The following TAFA5 variants were observed in gnomAD, a reference collection of about 807,000 sequenced individuals.
TAFA5 encodes chemokine-like protein TAFA-5.
Under a neutral mutation model 15.3 loss-of-function variants are expected in TAFA5, and 6 were observed. The ratio of observed to expected loss-of-function variants is 0.39; its 90% CI spans 0.21 to 0.77. The LOEUF (loss-of-function observed/expected upper bound fraction) is 0.77. Ranked by LOEUF, TAFA5 falls within the 30% of genes least tolerant of loss-of-function variation. The pLI is 0.41. For synonymous variants in TAFA5, 103 were observed against 80.7 expected, an observed-to-expected ratio of 1.28 and a Z score of -1.48; for missense variants, 161 against 193.1, an observed-to-expected ratio of 0.83 and a Z score of 0.98.
At chr22:48,716,475 A>G (rs1334325629) in intron 3 of TAFA5, among the ~76,000 whole-genome samples, 4 of 152,200 alleles carry the variant, frequency 2.6e-5, no homozygotes, top group Non-Finnish European at 2.9e-5. Context: ...CAATGAGAAC[A>G]CATGGACACC....
rs1296327989 is a variant in TAFA5, at chr22:48,742,973, G to T, written c.391-6866G>T. ...CCCGCCCTCAGCCCAGCCCTGGGAC[G>T]CAGGCTCAGCAGCCCCCGGATTCCA... On this transcript the variant is annotated intron_variant, in intron 3 of 3. Coordinates refer to ENST00000402357, the MANE Select transcript of TAFA5 (RefSeq NM_001082967.3). The surrounding 1 kb of genome is among the most constrained non-coding windows in gnomAD (Gnocchi z 6.2). Among the ~76,000 whole-genome samples the T allele has an allele frequency of 6.6e-6, 1 of 152,158 alleles. No homozygotes were observed. The highest frequency in any genetic ancestry group is 1.5e-5 in the Non-Finnish European group (1 of 68,008).
chr22:48,497,292 CG>C (rs1264654552), intron 1 of TAFA5, among the ~76,000 whole-genome samples: 1 of 152,184 alleles, frequency 6.6e-6, no homozygotes, highest in Non-Finnish European at 1.5e-5. Context: ...TGCGGTCCCA[CG>C]GGGCCCGGCA....
In TAFA5 at chr22:48,666,006, G is replaced by A. The variant is rs146165170; in HGVS notation, c.262+19260G>A. Among the ~76,000 whole-genome samples the A allele has an allele frequency of 2.6e-3, 370 of 144,274 alleles. 8 individuals are homozygous for A. The East Asian group carries it at 0.066, about 26-fold the overall frequency. The allele number at this position is 144,274 out of a possible 152,430, so 94.6% of individuals were successfully genotyped here. A position where few individuals can be genotyped will look rare whatever the true frequency, so the allele number is the denominator to read the frequency against. ...GGCCTCCTACCCCTCCCATGGGAAC[G>A]AGGGGCCTGGCCTGGCTCCAGGAGG... On this transcript the variant is annotated intron_variant, in intron 2 of 3. Transcript: ENST00000402357.
chr22:48,614,731 C>G (rs769386816), intron 1 of TAFA5, among the ~76,000 whole-genome samples: 5 of 152,240 alleles, frequency 3.3e-5, no homozygotes, highest in Non-Finnish European at 5.9e-5. Flanking sequence ...CAAGCAAGTA[C>G]TGCCAGGGTG....
At chr22:48,576,243 G>GC in intron 1 of TAFA5, 4 of 370,918 alleles carry the variant, frequency 1.1e-5, no homozygotes, top group African/African-American at 2.2e-5. Flanking sequence ...TAACCTCCCC[G>GC]CCCCCGCCCG....
At position 48,580,362 on chromosome 22, in the gene TAFA5, G is replaced by A. The variant is rs141758041; in HGVS notation, c.113-66235G>A. ...GATTAGCAGCCAATGCAGAGTGTTCGTCTATCTGTTAGATGGATCAGTTTA... is the reference window on the plus strand; with the variant it reads ...GATTAGCAGCCAATGCAGAGTGTTCATCTATCTGTTAGATGGATCAGTTTA... On this transcript the variant is annotated intron_variant, in intron 1 of 3. Coordinates refer to ENST00000402357, the MANE Select transcript of TAFA5 (RefSeq NM_001082967.3). 2.9e-3 allele frequency among the ~76,000 whole-genome samples: 448 copies of A among 152,348 alleles called. 2 individuals carry two copies. The highest frequency in any genetic ancestry group is 9.8e-3 in the African/African-American group (408 of 41,564).
intron 1 of TAFA5, among the ~76,000 whole-genome samples, chr22:48,613,515 G>C (rs1293359488): frequency 6.6e-6 from 1 of 152,176 alleles, no homozygotes; most frequent in Non-Finnish European, 1.5e-5. Flanking sequence ...CATCTCCTGA[G>C]CTTGGGGTTG....
intron 1 of TAFA5, among the ~76,000 whole-genome samples, chr22:48,504,884 T>C (rs1022097113): frequency 6.6e-6 from 1 of 152,130 alleles, no homozygotes; most frequent in African/African-American, 2.4e-5. Context: ...GGGTCCAGCC[T>C]TGGGGGGCTC....
chr22:48,604,091 C>G (rs1169464299), intron 1 of TAFA5, among the ~76,000 whole-genome samples: 1 of 152,208 alleles, frequency 6.6e-6, no homozygotes, highest in Non-Finnish European at 1.5e-5. Flanking sequence ...GGCGCGCAAG[C>G]TACCGATGGA....
At chr22:48,579,008 G>A (rs773949971) in intron 1 of TAFA5, among the ~76,000 whole-genome samples, 1 of 152,236 alleles carries the variant, frequency 6.6e-6, no homozygotes. Context: ...GGAAAGAGCT[G>A]TTTAAATAGC....
intron 1 of TAFA5, among the ~76,000 whole-genome samples, chr22:48,584,900 T>TCACACACACCACACA (rs1555889929): frequency 4.9e-4 from 58 of 118,984 alleles, no homozygotes; most frequent in Non-Finnish European, 1.0e-3. Context: ...AAAATACATC[T>TCACACACACCACACA]CACACACACA....
chr22:48,686,356 C>T (rs141594451), intron 2 of TAFA5, among the ~76,000 whole-genome samples: 1 of 152,202 alleles, frequency 6.6e-6, no homozygotes, highest in Non-Finnish European at 1.5e-5. Flanking sequence ...GGTGAGCACT[C>T]TCTTCTGGTT....
intron 2 of TAFA5, among the ~76,000 whole-genome samples, chr22:48,659,849 A>G (rs1359239854): frequency 1.3e-5 from 2 of 152,242 alleles, no homozygotes; most frequent in Non-Finnish European, 2.9e-5. Context: ...TACAGTCCCC[A>G]TGCTGTCTTT....
At chr22:48,697,631 A>G (rs1322448350) in intron 2 of TAFA5, among the ~76,000 whole-genome samples, 1 of 149,944 alleles carries the variant, frequency 6.7e-6, no homozygotes, top group Non-Finnish European at 1.5e-5. Flanking sequence ...TGAAGACAGT[A>G]TGGTAGTGTT....
chr22:48,679,040 TCCCCAG>T, intron 2 of TAFA5, among the ~76,000 whole-genome samples: 2 of 70,402 alleles, frequency 2.8e-5, no homozygotes, highest in Non-Finnish European at 5.3e-5. Flanking sequence ...CTCTCCTGGC[TCCCCAG>T]CTCCCCCTCC....
intron 1 of TAFA5, among the ~76,000 whole-genome samples, chr22:48,612,230 C>CA (rs1389890208): frequency 6.6e-6 from 1 of 152,114 alleles, no homozygotes; most frequent in Non-Finnish European, 1.5e-5. Context: ...CTTATAGAAA[C>CA]AAAGTCCTTG....
chr22:48,617,021 G>A (rs889914610), intron 1 of TAFA5, among the ~76,000 whole-genome samples: 4 of 152,234 alleles, frequency 2.6e-5, no homozygotes, highest in African/African-American at 9.6e-5. Flanking sequence ...GTGGATACCT[G>A]TGGTCACTCG....
chr22:48,625,859 C>T (rs956532198), intron 1 of TAFA5, among the ~76,000 whole-genome samples: 1 of 152,202 alleles, frequency 6.6e-6, no homozygotes, highest in Non-Finnish European at 1.5e-5. Context: ...TTCCTCTTTC[C>T]CCGCCAGAAA....
At chr22:48,689,013 A>AAAAG (rs1555899470) in intron 2 of TAFA5, among the ~76,000 whole-genome samples, 2 of 111,504 alleles carry the variant, frequency 1.8e-5, no homozygotes, top group Non-Finnish European at 1.7e-5. Context: ...AAAAAAAAAG[A>AAAAG]GAGAGAAAAC....
Sources: allele counts gnomAD v4.1 joint callset (sites outside exome capture counted in the v4.1 genomes callset), GRCh38; gene constraint gnomAD v4.1.1; non-coding constraint Gnocchi (gnomAD v3.1); transcripts MANE v1.5; gene names NCBI Gene and HGNC (gene_info 2026-07-23, HGNC 2026-07-21).